The following CELF2 variants were observed in gnomAD, a reference collection of about 807,000 sequenced individuals.
CELF2 encodes the protein CUGBP Elav-like family member 2.
A neutral mutation model predicts 62.6 loss-of-function variants in CELF2; 8 were observed. The ratio of observed to expected loss-of-function variants is 0.13; its 90% CI spans 0.07 to 0.23. The LOEUF (loss-of-function observed/expected upper bound fraction) is 0.23. Ranked by LOEUF, CELF2 falls within the 10% of genes least tolerant of loss-of-function variation. CELF2 has a pLI of 1.00. For synonymous variants in CELF2, 258 were observed against 250.0 expected, an observed-to-expected ratio of 1.03 and a Z score of -0.30; for missense variants, 333 against 671.0, an observed-to-expected ratio of 0.50 and a Z score of 5.56.
intron 1 of CELF2, among the ~76,000 whole-genome samples, chr10:10,809,021 G>A (rs376746049): frequency 6.6e-6 from 1 of 152,238 alleles, no homozygotes; most frequent in Non-Finnish European, 1.5e-5. Flanking sequence ...ACATGTTGAG[G>A]CCCTAACCCC....
chr10:10,761,098 C>CA, the CELF2 span, among the ~76,000 whole-genome samples: 232 of 151,318 alleles, frequency 1.5e-3, 1 homozygote, highest in Admixed American at 2.8e-3. Context: ...GTCAACAATT[C>CA]CAAAAAAAAA....
At chr10:10,474,879 G>A in the CELF2 span, among the ~76,000 whole-genome samples, 1 of 152,108 alleles carries the variant, frequency 6.6e-6, no homozygotes, top group Non-Finnish European at 1.5e-5. Flanking sequence ...GACATTAGTT[G>A]TGGAAATAAT....
At chr10:11,185,202 T>A (rs2074530292) in intron 2 of CELF2, among the ~76,000 whole-genome samples, 1 of 152,146 alleles carries the variant, frequency 6.6e-6, no homozygotes, top group Non-Finnish European at 1.5e-5. Flanking sequence ...TAAGACAGGA[T>A]CTTGCTCTGT....
At chr10:10,678,798 G>C in the CELF2 span, among the ~76,000 whole-genome samples, 2 of 152,304 alleles carry the variant, frequency 1.3e-5, no homozygotes, top group East Asian at 3.9e-4. Flanking sequence ...ATAGTTCTCT[G>C]TTAGGATCCT....
chr10:10,769,442 A>G, the CELF2 span, among the ~76,000 whole-genome samples: 2 of 152,140 alleles, frequency 1.3e-5, no homozygotes, highest in Admixed American at 6.5e-5. Context: ...GGTAGATCAC[A>G]TGGGATTTTT....
At chr10:10,467,935 C>G in the CELF2 span, among the ~76,000 whole-genome samples, 1 of 152,028 alleles carries the variant, frequency 6.6e-6, no homozygotes, top group Admixed American at 6.6e-5. Context: ...AGAAATGATA[C>G]CAGCCACTTA....
chr10:10,882,356 C>A (rs891076117), intron 1 of CELF2, among the ~76,000 whole-genome samples: 1 of 152,212 alleles, frequency 6.6e-6, no homozygotes, highest in African/African-American at 2.4e-5. Flanking sequence ...AAGAGCAGAA[C>A]TGAAATGTGG....
At chr10:10,755,954 G>A in the CELF2 span, among the ~76,000 whole-genome samples, 2 of 152,148 alleles carry the variant, frequency 1.3e-5, no homozygotes, top group African/African-American at 4.8e-5. Context: ...CCATCCCTCT[G>A]TTGTTCAGTA....
At chr10:10,698,612 T>C in the CELF2 span, among the ~76,000 whole-genome samples, 1 of 152,222 alleles carries the variant, frequency 6.6e-6, no homozygotes, top group Non-Finnish European at 1.5e-5. Context: ...TTTAATAGCT[T>C]GCTTGTGCAA....
the CELF2 span, among the ~76,000 whole-genome samples, chr10:10,752,702 A>AAG: frequency 6.8e-5 from 10 of 146,828 alleles, no homozygotes; most frequent in African/African-American, 2.0e-4. Context: ...AAAAAAAAAA[A>AAG]AAAAAGAAAG....
rs797004096 is a variant in CELF2 at position 11,322,434 on chromosome 10, T to C, written c.1294+1048T>C. Among the ~76,000 whole-genome samples the C allele has an allele frequency of 2.0e-5, 3 of 152,254 alleles. No homozygotes were observed. The South Asian group carries it at 6.2e-4, about 32-fold the overall frequency. On this transcript the variant is annotated intron_variant, in intron 11 of 12. Coordinates refer to ENST00000633077, the MANE Select transcript of CELF2 (RefSeq NM_001326342.2). Reference sequence around the variant, plus strand: ...AATAAGGATCACTGGTCATTCTTCCTTACTTGAAGCTCCTTTAGAGCAAAA... The same window carrying C: ...AATAAGGATCACTGGTCATTCTTCCCTACTTGAAGCTCCTTTAGAGCAAAA...
chr10:11,139,212 T>C (rs573019436), intron 1 of CELF2, among the ~76,000 whole-genome samples: 6 of 152,302 alleles, frequency 3.9e-5, no homozygotes, highest in African/African-American at 1.4e-4. Flanking sequence ...TATGCTGAAA[T>C]GAGTAGTTTT....
intron 1 of CELF2, among the ~76,000 whole-genome samples, chr10:10,873,083 C>A (rs1034921367): frequency 6.6e-6 from 1 of 152,178 alleles, no homozygotes; most frequent in African/African-American, 2.4e-5. Context: ...TATGTACACA[C>A]ATATATTGTA....
chr10:10,490,280 T>C, the CELF2 span, among the ~76,000 whole-genome samples: 2 of 152,156 alleles, frequency 1.3e-5, no homozygotes, highest in African/African-American at 4.8e-5. Context: ...AGTTGGAAAT[T>C]TGGTTTTAAG....
At chr10:11,101,588 G>A (rs2051657054) in intron 1 of CELF2, among the ~76,000 whole-genome samples, 1 of 152,154 alleles carries the variant, frequency 6.6e-6, no homozygotes, top group Admixed American at 6.5e-5. Context: ...ACTAATTCAG[G>A]TACAGTCAGA....
chr10:11,262,475 C>T (rs889709154), intron 5 of CELF2, among the ~76,000 whole-genome samples: 8 of 152,164 alleles, frequency 5.3e-5, no homozygotes, highest in African/African-American at 1.4e-4. Flanking sequence ...GGAACTTTGG[C>T]GACATGCCCC....
chr10:11,036,380 T>C (rs1238858773), intron 1 of CELF2, among the ~76,000 whole-genome samples: 1 of 152,262 alleles, frequency 6.6e-6, no homozygotes, highest in East Asian at 1.9e-4. Flanking sequence ...TATTAATCGT[T>C]AATTACTTTC....
chr10:10,888,948 T>C (rs779756146), intron 1 of CELF2, among the ~76,000 whole-genome samples: 3 of 152,316 alleles, frequency 2.0e-5, no homozygotes, highest in Non-Finnish European at 4.4e-5. Context: ...CTTCCTGCCC[T>C]ACCCAAGCAA....
At chr10:11,054,313 C>A (rs1342691511) in intron 1 of CELF2, among the ~76,000 whole-genome samples, 1 of 152,154 alleles carries the variant, frequency 6.6e-6, no homozygotes, top group Non-Finnish European at 1.5e-5. Context: ...TGTATCATCC[C>A]ATAGTTACTG....
Sources: allele counts gnomAD v4.1 joint callset (sites outside exome capture counted in the v4.1 genomes callset), GRCh38; gene constraint gnomAD v4.1.1; transcripts MANE v1.5; gene names NCBI Gene and HGNC (gene_info 2026-07-23, HGNC 2026-07-21).